The following FST variants were observed in gnomAD, a reference collection of about 807,000 sequenced individuals.
FST encodes follistatin.
Under a neutral mutation model 38.4 loss-of-function variants are expected in FST, and 6 were observed. The ratio of observed to expected loss-of-function variants is 0.16; its 90% CI spans 0.09 to 0.31. FST has a LOEUF of 0.31. Among genes scored for constraint, FST ranks in the 10% least tolerant of loss-of-function variants. FST has a pLI of 1.00. For missense variants in FST, 301 were observed against 432.3 expected (o/e 0.70, Z 2.69); for synonymous variants, 157 against 169.8 (o/e 0.92, Z 0.59).
At chr5:53,485,541 CA>C (rs1747493981) in intron 5 of FST, 3 of 663,104 alleles carry the variant, frequency 4.5e-6, no homozygotes, top group Non-Finnish European at 7.9e-6. Flanking sequence ...CTAACTGCTT[CA>C]AAAGTTTTTT....
chr5:53,482,305 TTC>T (rs886864230), intron 1 of FST, among the ~76,000 whole-genome samples: 16 of 151,638 alleles, frequency 1.1e-4, no homozygotes, highest in Admixed American at 2.0e-4. Flanking sequence ...TTTCTTTCTC[TTC>T]TTTCTTTTCT....
rs190529338 is a variant in FST at position 53,481,290 on chromosome 5, A to C, written c.85+414A>C. ...GATACTTAAAAAAAAAAAAGGAAAG[A>C]AAGAAAAGAAAACCTGGGGGTTTGG... On this transcript the variant is annotated intron_variant, in intron 1 of 5. Coordinates refer to ENST00000256759, the MANE Select transcript of FST (RefSeq NM_013409.3). Among the ~76,000 whole-genome samples, 12 of 151,318 alleles carry C rather than the reference A, an allele frequency of 7.9e-5. No homozygotes were observed. In the East Asian group the frequency reaches 2.3e-3, roughly 29 times the overall value.
At position 53,483,212 on chromosome 5, in the gene FST, T is replaced by G; in HGVS notation, c.277+141T>G. The G allele has an allele frequency of 3.0e-6, 2 of 656,316 alleles. No individual in the cohort carries two copies. Among genetic ancestry groups the G allele is most frequent in the African/African-American group, 1.8e-5 (1 of 55,276 alleles). 40.7% of individuals were successfully genotyped at this position (656,316 alleles called of 1,614,324 possible). ...TCCTGTCCCTTGCCCTGGTAAGCCG[T>G]GCAGACTCTAATTCTGCCTGTTACA... On this transcript the variant is annotated intron_variant, in intron 2 of 5. Coordinates refer to ENST00000256759, the MANE Select transcript of FST (RefSeq NM_013409.3). The surrounding 1 kb of genome is among the most constrained non-coding windows in gnomAD (Gnocchi z 4.1).
At position 53,480,842 on chromosome 5, in the gene FST, G is replaced by T. The variant is rs370746064; in HGVS notation, c.51G>T (p.Leu17=). The change falls in exon 1 of 6, where the codon CTG becomes CTT. Residue 17 remains leucine, a synonymous_variant. Coordinates refer to ENST00000256759, the MANE Select transcript of FST (RefSeq NM_013409.3). The part of the protein sequence containing the change: ...QPGGLCLLLL[L]LCQFMEDRSA... ...GTGGGCTTTGCCTCCTGCTGCTGCT[G>T]CTCTGCCAGTTCATGGAGGACCGCA... The T allele has an allele frequency of 1.5e-5, 23 of 1,534,300 alleles. No individual in the cohort carries two copies. The highest frequency in any genetic ancestry group is 6.9e-5 in the African/African-American group (5 of 71,980).
At chr5:53,485,653 C>T (rs1478407623) in intron 5 of FST, 3 of 1,385,042 alleles carry the variant, frequency 2.2e-6, no homozygotes, top group Admixed American at 3.4e-5. Flanking sequence ...GCAGTTATAC[C>T]TAGAACACAA....
rs1416496638 is a variant in FST, at chr5:53,485,122, G to C, written c.847G>C (p.Val283Leu). The C allele has an allele frequency of 1.3e-5, 21 of 1,612,984 alleles. No individual in the cohort carries two copies. In the Admixed American group the frequency reaches 3.5e-4, roughly 27 times the overall value. Residue 283 changes from valine to leucine, a missense_variant, in exon 5 of 6, where the codon GTC becomes CTC. Val to Leu is a conservative substitution (Grantham distance 32, BLOSUM62 1). Coordinates refer to ENST00000256759, the MANE Select transcript of FST (RefSeq NM_013409.3). ...LCPDSKSDEPVCASDNATYAS... is the reference protein window; with the variant it reads ...LCPDSKSDEPLCASDNATYAS... The stretch of plus-strand genomic sequence containing the variant: ...CCCTGACAGTAAGTCGGATGAGCCT[G>C]TCTGTGCCAGTGACAATGCCACTTA...
intron 1 of FST, 24 bp from the exon 2 acceptor site, chr5:53,482,856 C>G (rs1301479288): frequency 1.3e-6 from 2 of 1,512,484 alleles, no homozygotes; most frequent in Non-Finnish European, 1.8e-6. Context: ...ACTCACCCAC[C>G]TCCCCACCCT....
intron 5 of FST, chr5:53,485,546 G>GTTTTT: frequency 3.2e-6 from 2 of 634,790 alleles, no homozygotes; most frequent in Non-Finnish European, 5.6e-6. Flanking sequence ...TGCTTCAAAA[G>GTTTTT]TTTTTTTTTT....
At position 53,483,851 on chromosome 5, in the gene FST, A is replaced by G; in HGVS notation, c.496+129A>G. ...TAAGAGCCTGATAATAGTAATACTG[A>G]AACCAAATAAAGGAGTCCTTTTCTA... On this transcript the variant is annotated intron_variant, in intron 3 of 5. Transcript: ENST00000256759. The surrounding 1 kb of genome is among the most constrained non-coding windows in gnomAD (Gnocchi z 4.1). 1.4e-6 allele frequency: 1 copy of G among 725,432 alleles called. No homozygotes were observed. Among genetic ancestry groups the G allele is most frequent in the Non-Finnish European group, 2.3e-6 (1 of 432,904 alleles). 44.9% of individuals were successfully genotyped at this position (725,432 alleles called of 1,614,324 possible).
chr5:53,484,410 C>T (rs1286137714), intron 4 of FST, 117 bp downstream of exon 4: 8 of 1,057,596 alleles, frequency 7.6e-6, no homozygotes, highest in Admixed American at 2.7e-5. Flanking sequence ...GGGAGAAATA[C>T]GCTGCAATTT....
At position 53,484,102 on chromosome 5, in the gene FST, C is replaced by T. The variant is rs762062266; in HGVS notation, c.530C>T (p.Ser177Phe). ...CGGGATGTTTTCTGTCCAGGCAGCT[C>T]CACATGTGTGGTGGACCAGACCAAT... ...TCRDVFCPGSSTCVVDQTNNA... is the reference protein window; with the variant it reads ...TCRDVFCPGSFTCVVDQTNNA... The change falls in exon 4 of 6, where the codon TCC (serine) becomes TTC (phenylalanine). Residue 177 changes from serine (S) to phenylalanine (F), a missense_variant. Ser to Phe is a radical substitution (Grantham distance 155, BLOSUM62 -2). Coordinates refer to ENST00000256759, the MANE Select transcript of FST (RefSeq NM_013409.3). 4.3e-6 allele frequency: 7 copies of T among 1,612,454 alleles called. No individual in the cohort carries two copies.
In FST at chr5:53,483,531, C is replaced by T. The variant is rs1336940351; in HGVS notation, c.305C>T (p.Pro102Leu). 3 of 1,614,110 alleles carry T rather than the reference C, an allele frequency of 1.9e-6. No homozygotes were observed. The highest frequency in any genetic ancestry group is 3.3e-4 in the Middle Eastern group (2 of 6,058). ...ACGTGTGAGAACGTGGACTGTGGAC[C>T]TGGGAAAAAATGCCGAATGAACAAG... ...KETCENVDCG[P>L]GKKCRMNKKN... is the part of the protein sequence containing the mutation. Residue 102 changes from proline to leucine, a missense_variant, in exon 3 of 6, where the codon CCT (proline) becomes CTT (leucine). Pro to Leu is a moderately conservative substitution (Grantham distance 98). Coordinates refer to ENST00000256759, the MANE Select transcript of FST (RefSeq NM_013409.3). This position sits in a 1 kb window ranked among gnomAD's most constrained non-coding sequence, Gnocchi z 4.1.
rs376066689 is a variant in FST, at chr5:53,481,241, T to C, written c.85+365T>C. ...TTCAGTCGACCCATTTGCAGTCTCA[T>C]CTCTCTCCCTCCCACATCTTTTGGA... On this transcript the variant is annotated intron_variant, in intron 1 of 5. Coordinates refer to ENST00000256759, the MANE Select transcript of FST (RefSeq NM_013409.3). 1.1e-4 allele frequency among the ~76,000 whole-genome samples: 17 copies of C among 149,452 alleles called. No homozygotes were observed. The East Asian group carries it at 3.0e-3, about 26-fold the overall frequency.
intron 4 of FST, 58 bp downstream of exon 4, chr5:53,484,351 C>T (rs867384576): frequency 1.9e-6 from 3 of 1,552,706 alleles, no homozygotes; most frequent in Middle Eastern, 3.4e-4. Context: ...TATTATTAAA[C>T]TGTGGGGTTA....
At position 53,486,092 on chromosome 5, in the gene FST, A is replaced by T. The variant is rs1490408329; in HGVS notation, c.*59A>T. 6.8e-6 allele frequency: 6 copies of T among 882,320 alleles called. No individual in the cohort carries two copies. The East Asian group carries it at 1.6e-4, about 24-fold the overall frequency. 54.7% of individuals were successfully genotyped at this position (882,320 alleles called of 1,614,324 possible). On this transcript the variant is annotated 3_prime_UTR_variant, in exon 6 of 6. Coordinates refer to ENST00000256759, the MANE Select transcript of FST (RefSeq NM_013409.3). ...TTGTGCAAAAAAAAAAAAAAAAAAA[A>T]AGAAAAAGAAAAAAAGAAAAATATA...
At chr5:53,482,697 T>G (rs1237321286) in intron 1 of FST, 183 bp from the exon 2 acceptor site, 3 of 533,170 alleles carry the variant, frequency 5.6e-6, no homozygotes, top group East Asian at 3.2e-5. Flanking sequence ...TGCCTTCTTT[T>G]TCCACCCCTC....
rs780547865 is a variant in FST at position 53,484,126 on chromosome 5, A to G, written c.554A>G (p.Asn185Ser). The change falls in exon 4 of 6, where the codon AAT becomes AGT. Residue 185 changes from asparagine to serine, a missense_variant. Asn to Ser is a conservative substitution (Grantham distance 46). Coordinates refer to ENST00000256759, the MANE Select transcript of FST (RefSeq NM_013409.3). ...TCCACATGTGTGGTGGACCAGACCAATAATGCCTACTGTGTGACCTGTAAT... is the reference window on the plus strand; with the variant it reads ...TCCACATGTGTGGTGGACCAGACCAGTAATGCCTACTGTGTGACCTGTAAT... Reference protein sequence around the residue: ...GSSTCVVDQTNNAYCVTCNRI... With the variant: ...GSSTCVVDQTSNAYCVTCNRI... The G allele has an allele frequency of 1.9e-5, 31 of 1,610,096 alleles. No homozygotes were observed. The highest frequency in any genetic ancestry group is 8.0e-5 in the African/African-American group (6 of 74,942).
Position 53,483,582 on chromosome 5 carries a change from C to T in FST, c.356C>T (p.Ala119Val), listed in dbSNP as rs746446657. Residue 119 changes from alanine to valine, a missense_variant, in exon 3 of 6, where the codon GCC (alanine) becomes GTC (valine). Ala to Val is a moderately conservative substitution (Grantham distance 64, BLOSUM62 0). Transcript: ENST00000256759. The surrounding 1 kb of genome is among the most constrained non-coding windows in gnomAD (Gnocchi z 4.1). ...NKKNKPRCVC[A>V]PDCSNITWKG... ...AAGAACAAACCCCGCTGCGTCTGCG[C>T]CCCGGATTGTTCCAACATCACCTGG... The T allele has an allele frequency of 6.8e-6, 11 of 1,614,082 alleles. No homozygotes were observed. The South Asian group carries it at 1.2e-4, about 18-fold the overall frequency.
At chr5:53,482,401 CT>C (rs912702392) in intron 1 of FST, among the ~76,000 whole-genome samples, 1 of 151,568 alleles carries the variant, frequency 6.6e-6, no homozygotes, top group Non-Finnish European at 1.5e-5. Flanking sequence ...TTCTTAACCC[CT>C]GTCACAAATA....
Sources: gnomAD v4.1 joint callset for allele counts (sites outside exome capture counted in the v4.1 genomes callset) on GRCh38, gnomAD v4.1.1 for gene constraint, Gnocchi (gnomAD v3.1) non-coding constraint, MANE v1.5 for transcripts, NCBI Gene and HGNC (gene_info 2026-07-23, HGNC 2026-07-21) for gene names.